Variants in RCAN2 observed in about 807,000 individuals in gnomAD.
The protein encoded by RCAN2 is regulator of calcineurin 2.
RCAN2 carries 9 observed loss-of-function variants against 23.6 expected under a neutral mutation model. The ratio of observed to expected loss-of-function variants is 0.38; its 90% CI spans 0.23 to 0.67. The LOEUF is 0.67. RCAN2 is among the 30% of genes least tolerant of loss of function. The pLI, the probability that RCAN2 is intolerant of heterozygous loss-of-function variation, is 0.51. For missense variants in RCAN2, 273 were observed against 302.3 expected (o/e 0.90, Z 0.72); for synonymous variants, 109 against 115.7 (o/e 0.94, Z 0.37).
intron 2 of RCAN2, among the ~76,000 whole-genome samples, chr6:46,304,676 A>G (rs1011920608): frequency 6.6e-6 from 1 of 152,086 alleles, no homozygotes; most frequent in Non-Finnish European, 1.5e-5. Flanking sequence ...AAACTTACAG[A>G]ATGCCCTGGT....
At chr6:46,288,326 T>G (rs1221489481) in intron 2 of RCAN2, among the ~76,000 whole-genome samples, 2 of 152,240 alleles carry the variant, frequency 1.3e-5, no homozygotes, top group African/African-American at 4.8e-5. Flanking sequence ...GCTTATTCTC[T>G]CATGCGGGAT....
intron 2 of RCAN2, among the ~76,000 whole-genome samples, chr6:46,356,343 C>T (rs1233682120): frequency 6.6e-6 from 1 of 152,128 alleles, no homozygotes; most frequent in Non-Finnish European, 1.5e-5. Context: ...TTGTGGGGAG[C>T]TCTGTGCCCT....
At chr6:46,295,139 G>T (rs1300266866) in intron 2 of RCAN2, among the ~76,000 whole-genome samples, 1 of 152,070 alleles carries the variant, frequency 6.6e-6, no homozygotes, top group Non-Finnish European at 1.5e-5. Flanking sequence ...TGGATCTTGG[G>T]GGAGAAGTTG....
chr6:46,471,738 A>G (rs758265158), intron 1 of RCAN2, among the ~76,000 whole-genome samples: 3 of 152,172 alleles, frequency 2.0e-5, no homozygotes, highest in Non-Finnish European at 2.9e-5. Flanking sequence ...GAAGAGGTCT[A>G]AGGCCTGAGC....
chr6:46,481,870 G>A (rs768369931), intron 1 of RCAN2, among the ~76,000 whole-genome samples: 2 of 152,080 alleles, frequency 1.3e-5, no homozygotes, highest in Non-Finnish European at 2.9e-5. Flanking sequence ...ACTTCATCTC[G>A]ATATTAGCAT....
At chr6:46,466,830 A>G (rs959301902) in intron 1 of RCAN2, among the ~76,000 whole-genome samples, 3 of 152,180 alleles carry the variant, frequency 2.0e-5, no homozygotes, top group Non-Finnish European at 2.9e-5. Flanking sequence ...AGCGACAATC[A>G]TTGAGTGCTT....
intron 2 of RCAN2, among the ~76,000 whole-genome samples, chr6:46,262,846 G>T (rs182694982): frequency 2.4e-4 from 37 of 152,190 alleles, no homozygotes; most frequent in African/African-American, 8.7e-4. Flanking sequence ...CTTCTCATTT[G>T]CCCTTTCTTC....
At chr6:46,332,418 C>G (rs976249611) in intron 2 of RCAN2, among the ~76,000 whole-genome samples, 1 of 151,838 alleles carries the variant, frequency 6.6e-6, no homozygotes, top group Admixed American at 6.6e-5. Context: ...ATTAACTCAT[C>G]ATTTAGCATT....
chr6:46,262,443 T>G (rs1038261237), intron 2 of RCAN2, among the ~76,000 whole-genome samples: 1 of 152,072 alleles, frequency 6.6e-6, no homozygotes, highest in Non-Finnish European at 1.5e-5. Flanking sequence ...AGCCTGCTGC[T>G]AGAGAGGTCT....
At chr6:46,352,620 AT>A (rs1291040593) in intron 2 of RCAN2, among the ~76,000 whole-genome samples, 1 of 152,156 alleles carries the variant, frequency 6.6e-6, no homozygotes, top group Non-Finnish European at 1.5e-5. Context: ...TAGAAAGAAT[AT>A]TTTCAAAACT....
chr6:46,419,784 A>G (rs972439578), intron 2 of RCAN2, among the ~76,000 whole-genome samples: 2 of 152,324 alleles, frequency 1.3e-5, no homozygotes, highest in African/African-American at 4.8e-5. Context: ...ACGTCTTCAA[A>G]CCATTTTGGC....
intron 2 of RCAN2, among the ~76,000 whole-genome samples, chr6:46,383,093 G>A (rs1253337387): frequency 1.3e-5 from 2 of 151,712 alleles, no homozygotes; most frequent in Non-Finnish European, 2.9e-5. Flanking sequence ...GAAGTACAAA[G>A]TAATAAAAGT....
At chr6:46,260,917 G>A (rs762604487) in intron 2 of RCAN2, among the ~76,000 whole-genome samples, 1 of 152,032 alleles carries the variant, frequency 6.6e-6, no homozygotes, top group Non-Finnish European at 1.5e-5. Flanking sequence ...AGAAAATTGG[G>A]CTTCTGTGCA....
intron 2 of RCAN2, among the ~76,000 whole-genome samples, chr6:46,275,813 T>A (rs906637033): frequency 1.2e-4 from 18 of 152,152 alleles, no homozygotes; most frequent in Non-Finnish European, 2.1e-4. Context: ...GACCAGAAAG[T>A]TTCTTAAAGT....
intron 1 of RCAN2, among the ~76,000 whole-genome samples, chr6:46,489,538 T>C (rs1040978924): frequency 6.6e-6 from 1 of 152,256 alleles, no homozygotes; most frequent in African/African-American, 2.4e-5. Flanking sequence ...TATGTATGAC[T>C]GTCTGCAAAT....
At chr6:46,286,253 G>C (rs967149920) in intron 2 of RCAN2, among the ~76,000 whole-genome samples, 104 of 152,256 alleles carry the variant, frequency 6.8e-4, no homozygotes, top group African/African-American at 2.4e-3. Flanking sequence ...CAATCTGGCT[G>C]TTTCTGCACC....
chr6:46,397,740 T>G (rs975120447), intron 2 of RCAN2, among the ~76,000 whole-genome samples: 10 of 152,206 alleles, frequency 6.6e-5, no homozygotes, highest in Admixed American at 3.9e-4. Context: ...AAGTAGTCTA[T>G]AATGAATGAA....
At chr6:46,352,955 T>C (rs1764707419) in intron 2 of RCAN2, among the ~76,000 whole-genome samples, 1 of 152,180 alleles carries the variant, frequency 6.6e-6, no homozygotes, top group Non-Finnish European at 1.5e-5. Context: ...ATGATTTTAT[T>C]ACTTGCCAAG....
rs1175538882 is a variant in RCAN2, at chr6:46,222,102, A to C, written c.*1039T>G. The stretch of plus-strand genomic sequence containing the variant: ...GTCTTGATAGCAAAGATGTTGGCTA[A>C]TCATGTATATATTGGCATTAGATGT... On this transcript the variant is annotated 3_prime_UTR_variant, in exon 5 of 5. Transcript: ENST00000371374. 2.5e-6 allele frequency: 1 copy of C among 397,356 alleles called. No homozygotes were observed. The highest frequency in any genetic ancestry group is 4.4e-6 in the Non-Finnish European group (1 of 225,316). 24.6% of individuals were successfully genotyped at this position (397,356 alleles called of 1,614,324 possible).
Sources: allele counts gnomAD v4.1 joint callset (sites outside exome capture counted in the v4.1 genomes callset), GRCh38; gene constraint gnomAD v4.1.1; transcripts MANE v1.5; gene names NCBI Gene and HGNC (gene_info 2026-07-23, HGNC 2026-07-21).